The following RNF213 variants were observed in gnomAD, a reference collection of about 807,000 sequenced individuals.
RNF213 encodes E3 ubiquitin-protein ligase RNF213.
In RNF213, 341 loss-of-function variants were observed where a neutral mutation model predicts 514.4. The ratio of observed to expected loss-of-function variants is 0.66; its 90% CI spans 0.61 to 0.73. The LOEUF (loss-of-function observed/expected upper bound fraction) is 0.73, where lower values mean the gene tolerates loss of function less well. Among genes scored for constraint, RNF213 ranks in the 30% least tolerant of loss-of-function variants. RNF213 has a pLI of 0.00. For synonymous variants in RNF213, 2,655 were observed against 2,658.2 expected (o/e 1.00, Z 0.04); for missense variants, 5,767 against 6,615.6 (o/e 0.87, Z 4.45).
intron 3 of RNF213, chr17:80,278,894 C>T: frequency 1.3e-6 from 2 of 1,537,146 alleles, no homozygotes; most frequent in Non-Finnish European, 1.7e-6. Context: ...AGCGTGCCTT[C>T]TGCAGACTGT....
At chr17:80,356,418 G>A (rs536146884) in intron 36 of RNF213, among the ~76,000 whole-genome samples, 10 of 152,338 alleles carry the variant, frequency 6.6e-5, no homozygotes, top group Admixed American at 2.6e-4. Context: ...TGGCTCCGTC[G>A]TGTTCTGTGG....
Position 80,332,302 on chromosome 17 carries a change from GA to G in RNF213, c.3816del (p.Glu1273ArgfsTer21). The G allele has an allele frequency of 6.5e-7, 1 of 1,537,018 alleles. No homozygotes were observed. The highest frequency in any genetic ancestry group is 8.7e-7 in the Non-Finnish European group (1 of 1,146,842). ...EESERHILELEEVYDYLYQPS... is the reference protein window; with the variant it reads ...EESERHILELXEVYDYLYQPS... ...ATCAGAAAGGCACATCCTTGAGCTT[GA>G]AGAGGTGTATGACTATTTGTATCAG... On this transcript the variant is annotated frameshift_variant, in exon 21 of 68. Transcript: ENST00000582970. LOFTEE classifies it high-confidence loss of function.
At chr17:80,278,319 C>A (rs996042380) in intron 3 of RNF213, among the ~76,000 whole-genome samples, 1 of 152,224 alleles carries the variant, frequency 6.6e-6, no homozygotes, top group African/African-American at 2.4e-5. Flanking sequence ...CCTCTAGGGG[C>A]TTGGGAGGCC....
At chr17:80,392,480 TTC>T (rs2080513974) in intron 67 of RNF213, among the ~76,000 whole-genome samples, 1 of 152,230 alleles carries the variant, frequency 6.6e-6, no homozygotes, top group Non-Finnish European at 1.5e-5. Context: ...CTCCGTGGGC[TTC>T]TGTCGTGTTT....
At chr17:80,312,944 G>A in intron 14 of RNF213, 68 bp from the exon 15 acceptor site, 2 of 1,576,858 alleles carry the variant, frequency 1.3e-6, no homozygotes, top group Non-Finnish European at 1.7e-6. Context: ...AGGAGGGGGT[G>A]CAGCATCTCG....
intron 48 of RNF213, 44 bp from the exon 49 acceptor site, chr17:80,372,931 C>T: frequency 3.2e-6 from 5 of 1,586,816 alleles, no homozygotes; most frequent in Non-Finnish European, 4.3e-6. Context: ...CAATAAATGC[C>T]CTAAGTCACC....
At position 80,290,482 on chromosome 17, in the gene RNF213, C is replaced by CACGTGTGTGTGTGCACGTGTGTGTGT. The variant is rs1568019576; in HGVS notation, c.1113-88_1113-87insACGTGTGTGTGTGCACGTGTGTGTGT. On this transcript the variant is annotated intron_variant, in intron 6 of 67. Coordinates refer to ENST00000582970, the MANE Select transcript of RNF213 (RefSeq NM_001256071.3). ...GCATGTGTGTGTGCACGTGTGTGTG[C>CACGTGTGTGTGTGCACGTGTGTGTGT]GCACGTGTGTGTGTGCGCGTGTGTG... The CACGTGTGTGTGTGCACGTGTGTGTGT allele has an allele frequency of 9.9e-5, 149 of 1,502,384 alleles. No homozygotes were observed. In the African/African-American group the frequency reaches 2.1e-3, roughly 21 times the overall value. The allele number at this position is 1,502,384 out of a possible 1,614,324, so 93.1% of individuals were successfully genotyped here. A position where few individuals can be genotyped will look rare whatever the true frequency, so the allele number is the denominator to read the frequency against.
At chr17:80,268,023 T>A (rs1018928867) in intron 2 of RNF213, among the ~76,000 whole-genome samples, 6 of 151,980 alleles carry the variant, frequency 3.9e-5, no homozygotes, top group Non-Finnish European at 5.9e-5. Context: ...TTTCTCCATA[T>A]TAGCATTGCT....
At chr17:80,370,731 G>C (rs940456934) in intron 46 of RNF213, among the ~76,000 whole-genome samples, 1 of 152,146 alleles carries the variant, frequency 6.6e-6, no homozygotes, top group Non-Finnish European at 1.5e-5. Flanking sequence ...CAAGCCCTGG[G>C]TTATCAGCCG....
rs2144700382 is a variant in RNF213 at position 80,396,166 on chromosome 17, G to GTA, written c.*2670_*2671dup. On this transcript the variant is annotated 3_prime_UTR_variant, in exon 68 of 68. Coordinates refer to ENST00000582970, the MANE Select transcript of RNF213 (RefSeq NM_001256071.3). ...AATCCCAGCTACCTGGGAGGCTGAG[G>GTA]TATGAGGATTGCTTGAGCCTGGGAG... is the stretch of plus-strand genomic sequence containing the variant. 6.6e-6 allele frequency: 1 copy of GTA among 152,346 alleles called. No individual in the cohort carries two copies. The highest frequency in any genetic ancestry group is 1.9e-4 in the East Asian group (1 of 5,188). 9.4% of individuals were successfully genotyped at this position (152,346 alleles called of 1,614,324 possible).
At chr17:80,373,305 C>T (rs1213536441) in intron 49 of RNF213, 140 bp downstream of exon 49, 7 of 636,986 alleles carry the variant, frequency 1.1e-5, no homozygotes, top group Non-Finnish European at 1.9e-5. Flanking sequence ...TACCCTCATA[C>T]CCCCACACCT....
At chr17:80,290,782 C>T in intron 7 of RNF213, 54 bp downstream of exon 7, 1 of 1,597,698 alleles carries the variant, frequency 6.3e-7, no homozygotes. Flanking sequence ...ATAGGATGCC[C>T]AGCCTGTGAC....
intron 3 of RNF213, among the ~76,000 whole-genome samples, chr17:80,287,056 G>A (rs1433510860): frequency 6.6e-6 from 1 of 152,176 alleles, no homozygotes; most frequent in Non-Finnish European, 1.5e-5. Context: ...AAGCCTGTGT[G>A]TGCTTTCTAA....
intron 11 of RNF213, among the ~76,000 whole-genome samples, 158 bp from the exon 12 acceptor site, chr17:80,306,094 A>G (rs555061229): frequency 4.0e-5 from 6 of 151,658 alleles, no homozygotes; most frequent in Non-Finnish European, 5.9e-5. Context: ...CCTCCCAAGT[A>G]TTGGGATTCA....
rs777797573 is a variant in RNF213 at position 80,364,554 on chromosome 17, G to A, written c.11871+1G>A. On this transcript the variant is annotated splice_donor_variant, in intron 42 of 67. Coordinates refer to ENST00000582970, the MANE Select transcript of RNF213 (RefSeq NM_001256071.3). LOFTEE classifies it high-confidence loss of function. Reference sequence around the variant, plus strand: ...CGAGCACGTCTTCTTACTAGACAAGGTGAGTACTTGGGCTGGCCTCAGCAC... The same window carrying A: ...CGAGCACGTCTTCTTACTAGACAAGATGAGTACTTGGGCTGGCCTCAGCAC... 1 of 1,614,168 alleles carries A rather than the reference G, an allele frequency of 6.2e-7. No homozygotes were observed. The highest frequency in any genetic ancestry group is 1.7e-5 in the Admixed American group (1 of 60,024).
At chr17:80,388,475 G>A (rs867073351) in intron 63 of RNF213, 137 bp from the exon 64 acceptor site, 4 of 732,546 alleles carry the variant, frequency 5.5e-6, no homozygotes, top group Non-Finnish European at 9.9e-6. Flanking sequence ...TGACGGAGAG[G>A]GGCGCTCTTA....
At position 80,346,722 on chromosome 17, in the gene RNF213, TC is replaced by T; in HGVS notation, c.8389del (p.Arg2797AlafsTer3). 1 of 1,612,000 alleles carries T rather than the reference TC, an allele frequency of 6.2e-7. No individual in the cohort carries two copies. Among genetic ancestry groups the T allele is most frequent in the Non-Finnish European group, 8.5e-7 (1 of 1,179,918 alleles). On this transcript the variant is annotated frameshift_variant, in exon 29 of 68. Coordinates refer to ENST00000582970, the MANE Select transcript of RNF213 (RefSeq NM_001256071.3). LOFTEE classifies it high-confidence loss of function. The surrounding 1 kb of genome is among the most constrained non-coding windows in gnomAD (Gnocchi z 8.1). ...MQGPAAYSDLFRSLKQVHLVS... is the reference protein window; with the variant it reads ...MQGPAAYSDLXRSLKQVHLVS... ...GGCCCGGCTGCCTACTCAGATCTCTTCCGCAGCCTGAAGCAGGTCCACCTGG... is the reference window on the plus strand; with the variant it reads ...GGCCCGGCTGCCTACTCAGATCTCTTCGCAGCCTGAAGCAGGTCCACCTGG...
chr17:80,379,847 T>C (rs987646102), intron 55 of RNF213, 133 bp downstream of exon 55: 1 of 767,538 alleles, frequency 1.3e-6, no homozygotes, highest in South Asian at 1.5e-5. Flanking sequence ...TCATATTGAA[T>C]AGCAATGCCA....
At chr17:80,291,873 G>T in intron 8 of RNF213, 46 bp downstream of exon 8, 2 of 1,600,704 alleles carry the variant, frequency 1.2e-6, no homozygotes, top group Admixed American at 1.7e-5. Context: ...CGGAGTGCAG[G>T]TGCCAATCCC....
Sources: gnomAD v4.1 joint callset for allele counts (sites outside exome capture counted in the v4.1 genomes callset) on GRCh38, gnomAD v4.1.1 for gene constraint, Gnocchi (gnomAD v3.1) non-coding constraint, MANE v1.5 for transcripts, NCBI Gene and HGNC (gene_info 2026-07-23, HGNC 2026-07-21) for gene names.